CAAP1: variants seen among roughly 807,000 people sequenced by gnomAD.
The protein encoded by CAAP1 is caspase activity and apoptosis inhibitor 1, also known as conserved anti-apoptotic protein.
Under a neutral mutation model 34.0 loss-of-function variants are expected in CAAP1, and 20 were observed. The ratio of observed to expected loss-of-function variants is 0.59; its 90% confidence interval spans 0.41 to 0.86. The LOEUF is 0.86. CAAP1 is among the 40% of genes least tolerant of loss of function. The pLI is 0.00. For missense variants in CAAP1, 538 were observed against 450.5 expected (o/e 1.19, Z -1.76); for synonymous variants, 213 against 166.7 (o/e 1.28, Z -2.14).
chr9:26,867,345 C>T (rs1012218113), intron 4 of CAAP1, among the ~76,000 whole-genome samples: 1 of 152,190 alleles, frequency 6.6e-6, no homozygotes, highest in African/African-American at 2.4e-5. Flanking sequence ...CGTCAAATCT[C>T]CTCCTGTTTC....
Position 26,892,547 on chromosome 9 carries a change from TCC to T in CAAP1, c.167_168del (p.Gly56GlufsTer5), listed in dbSNP as rs1308806588. 1 of 1,580,138 alleles carries T rather than the reference TCC, an allele frequency of 6.3e-7. No individual in the cohort carries two copies. On this transcript the variant is annotated frameshift_variant, in exon 1 of 6. Transcript: ENST00000333916. LOFTEE classifies it high-confidence loss of function. ...AGGCGSVSCC[G>X]NANFSGSVTG... ...GTGACACTTCCACTAAAATTGGCGT[TCC>T]CACAGCAGCTGACGCTCCCGCAGCC...
At chr9:26,858,370 C>T (rs1472059767) in intron 5 of CAAP1, among the ~76,000 whole-genome samples, 1 of 152,170 alleles carries the variant, frequency 6.6e-6, no homozygotes, top group East Asian at 1.9e-4. Context: ...AAGCAAGTTA[C>T]TATCTAGTCA....
chr9:26,859,137 AGT>A (rs770764883), intron 5 of CAAP1, among the ~76,000 whole-genome samples: 8 of 152,248 alleles, frequency 5.3e-5, no homozygotes, highest in South Asian at 4.1e-4. Flanking sequence ...TGATGCCATC[AGT>A]GTGTTCCTAA....
Position 26,852,411 on chromosome 9 carries a change from C to T in CAAP1, c.739+8655G>A, listed in dbSNP as rs565740736. Among the ~76,000 whole-genome samples, 36 of 151,710 alleles carry T rather than the reference C, an allele frequency of 2.4e-4. No homozygotes were observed. The South Asian group carries it at 6.9e-3, about 29-fold the overall frequency. The stretch of plus-strand genomic sequence containing the variant: ...CGGAGGCTGCAGTGAGCTGAGATCA[C>T]GCCACTGCACTCCAGCCTGGGTGAC... On this transcript the variant is annotated intron_variant, in intron 5 of 5. Coordinates refer to ENST00000333916, the MANE Select transcript of CAAP1 (RefSeq NM_024828.4).
chr9:26,870,587 C>CAT (rs554182404), intron 4 of CAAP1, among the ~76,000 whole-genome samples: 2 of 135,186 alleles, frequency 1.5e-5, no homozygotes, highest in African/African-American at 5.5e-5. Context: ...CACATATATA[C>CAT]GTGTGTGTGT....
At position 26,842,239 on chromosome 9, in the gene CAAP1, T is replaced by C. The variant is rs1258303478; in HGVS notation, c.*62A>G. On this transcript the variant is annotated 3_prime_UTR_variant, in exon 6 of 6. Transcript: ENST00000333916. ...TATAAGACCCCAAATAAATTTTAGA[T>C]ACAAAATTAAATGATGTGGCTTTGT... is the stretch of plus-strand genomic sequence containing the variant. 9 of 1,327,594 alleles carry C rather than the reference T, an allele frequency of 6.8e-6. No homozygotes were observed. Among genetic ancestry groups the C allele is most frequent in the Non-Finnish European group, 9.2e-6 (9 of 974,876 alleles). 82.2% of individuals were successfully genotyped at this position (1,327,594 alleles called of 1,614,324 possible).
In CAAP1 at chr9:26,853,279, A is replaced by G. The variant is rs558211607; in HGVS notation, c.739+7787T>C. ...AAGAATGTAACTGCTATTTATTAAG[A>G]CGAGATGGATGGTAGAAGCAGCAAG... On this transcript the variant is annotated intron_variant, in intron 5 of 5. Coordinates refer to ENST00000333916, the MANE Select transcript of CAAP1 (RefSeq NM_024828.4). Among the ~76,000 whole-genome samples, 8 of 152,266 alleles carry G rather than the reference A, an allele frequency of 5.3e-5. No individual in the cohort carries two copies. The South Asian group carries it at 1.5e-3, about 28-fold the overall frequency.
In CAAP1 at chr9:26,842,458, T is replaced by A; in HGVS notation, c.929A>T (p.Glu310Val). The change falls in exon 6 of 6, where the codon GAG becomes GTG. Residue 310 changes from glutamate to valine, a missense_variant. By Grantham distance (121) the Glu-to-Val change is moderately radical (BLOSUM62 -2). This residue lies in a region of CAAP1 where 514 missense variants were observed against 408.4 expected (regional missense o/e 1.26). Transcript: ENST00000333916. Reference protein sequence around the residue: ...KSVNEILGLAESSPNEPKAAT... With the variant: ...KSVNEILGLAVSSPNEPKAAT... The stretch of plus-strand genomic sequence containing the variant: ...TGCTTTGGGTTCGTTTGGGCTAGAC[T>A]CTGCCAGTCCTAGAATCTCATTCAC... 1 of 1,614,186 alleles carries A rather than the reference T, an allele frequency of 6.2e-7. No homozygotes were observed. Among genetic ancestry groups the A allele is most frequent in the Non-Finnish European group, 8.5e-7 (1 of 1,180,032 alleles).
At chr9:26,853,004 G>A (rs1306749201) in intron 5 of CAAP1, among the ~76,000 whole-genome samples, 2 of 152,188 alleles carry the variant, frequency 1.3e-5, no homozygotes, top group African/African-American at 4.8e-5. Context: ...AAGGTGGAGA[G>A]TAACAAGTCA....
chr9:26,856,538 G>C (rs1405195549), intron 5 of CAAP1, among the ~76,000 whole-genome samples: 1 of 152,134 alleles, frequency 6.6e-6, no homozygotes, highest in Non-Finnish European at 1.5e-5. Flanking sequence ...AGCTAGAAAG[G>C]AACTAGAAGA....
chr9:26,849,908 G>A (rs1438941916), intron 5 of CAAP1, among the ~76,000 whole-genome samples: 3 of 150,512 alleles, frequency 2.0e-5, no homozygotes, highest in Non-Finnish European at 4.4e-5. Flanking sequence ...GCATGATCTC[G>A]GCTCACTGCA....
At chr9:26,869,711 T>C (rs1823227256) in intron 4 of CAAP1, among the ~76,000 whole-genome samples, 1 of 152,208 alleles carries the variant, frequency 6.6e-6, no homozygotes, top group African/African-American at 2.4e-5. Flanking sequence ...CACAGATGAG[T>C]AACTCTTGGT....
chr9:26,887,609 T>A (rs1322665114), intron 1 of CAAP1, 96 bp from the exon 2 acceptor site: 12 of 760,774 alleles, frequency 1.6e-5, no homozygotes, highest in Middle Eastern at 3.9e-4. Flanking sequence ...TAAATTCTTC[T>A]TCATCAAAAA....
intron 5 of CAAP1, among the ~76,000 whole-genome samples, chr9:26,856,441 G>A (rs570040677): frequency 6.6e-6 from 1 of 152,142 alleles, no homozygotes; most frequent in East Asian, 1.9e-4. Context: ...ATTTCACATT[G>A]CTTCCATTAA....
At chr9:26,884,100 C>A (rs7021170) in intron 4 of CAAP1, among the ~76,000 whole-genome samples, 1,903 of 152,194 alleles carry the variant, frequency 0.013, 41 homozygotes, top group African/African-American at 0.044. Context: ...AGATCTAGCA[C>A]AAATCTCTTA....
chr9:26,884,823 C>T lies in CAAP1; in HGVS notation c.652G>A (p.Asp218Asn), dbSNP rs1326246372. The change falls in exon 4 of 6, where the codon GAT becomes AAT. Residue 218 changes from aspartate to asparagine, a missense_variant. This residue lies in a region of CAAP1 where 514 missense variants were observed against 408.4 expected (regional missense o/e 1.26). Transcript: ENST00000333916. ...TTTTAAACTTACTGACTGACTAAAT[C>T]AGATCCCATCTTAGAACCATCATCT... ...EADDGSKMGS[D>N]LVSQQDICID... The T allele has an allele frequency of 6.2e-7, 1 of 1,608,054 alleles. No individual in the cohort carries two copies. Among genetic ancestry groups the T allele is most frequent in the South Asian group, 1.1e-5 (1 of 90,796 alleles).
intron 4 of CAAP1, among the ~76,000 whole-genome samples, chr9:26,874,064 G>T (rs1005260006): frequency 6.6e-6 from 1 of 151,698 alleles, no homozygotes; most frequent in Non-Finnish European, 1.5e-5. Context: ...AAAATTAGCC[G>T]GATGTGGTGG....
rs1251742327 is a variant in CAAP1, at chr9:26,852,615, A to G, written c.739+8451T>C. On this transcript the variant is annotated intron_variant, in intron 5 of 5. Transcript: ENST00000333916. ...TGGTGTAAATAAGTTTAGATTTCAG[A>G]TTTGACATATTGGAACACATGTATT... Among the ~76,000 whole-genome samples, 4 of 152,176 alleles carry G rather than the reference A, an allele frequency of 2.6e-5. 1 individual carries two copies. Among genetic ancestry groups the G allele is most frequent in the Admixed American group, 2.6e-4 (4 of 15,276 alleles).
intron 5 of CAAP1, among the ~76,000 whole-genome samples, chr9:26,847,416 G>T (rs996054784): frequency 4.0e-5 from 6 of 151,312 alleles, no homozygotes; most frequent in Non-Finnish European, 7.4e-5. Flanking sequence ...GGGTTTCACC[G>T]TGTTAGCCAG....
Sources: gnomAD v4.1 joint callset for allele counts (sites outside exome capture counted in the v4.1 genomes callset) on GRCh38, gnomAD v4.1.1 for gene constraint, gnomAD v4.1.1 regional missense constraint, MANE v1.5 for transcripts, NCBI Gene and HGNC (gene_info 2026-07-23, HGNC 2026-07-21) for gene names.